The following KIF3C variants were observed in gnomAD, a reference collection of about 807,000 sequenced individuals.
KIF3C encodes the protein kinesin family member 3C, also known as kinesin-like protein KIF3C.
KIF3C carries 12 observed loss-of-function variants against 67.7 expected under a neutral mutation model. That is an observed-to-expected ratio of 0.18 (90% CI 0.11 to 0.29). The LOEUF (loss-of-function observed/expected upper bound fraction) is 0.29, where lower values mean the gene tolerates loss of function less well. Among genes scored for constraint, KIF3C ranks in the 10% least tolerant of loss-of-function variants. The pLI is 1.00. For synonymous variants in KIF3C, 393 were observed against 426.2 expected (o/e 0.92, Z 0.96); for missense variants, 789 against 1,059.6 (o/e 0.74, Z 3.55).
intron 5 of KIF3C, among the ~76,000 whole-genome samples, chr2:25,937,604 G>A (rs773464883): frequency 1.6e-4 from 24 of 152,184 alleles, no homozygotes; most frequent in Admixed American, 3.3e-4. Context: ...TATTTACAAC[G>A]TGCTTCTACA....
intron 5 of KIF3C, among the ~76,000 whole-genome samples, chr2:25,936,094 AAAAAC>A (rs1168481180): frequency 4.2e-4 from 64 of 150,924 alleles, no homozygotes; most frequent in Non-Finnish European, 7.5e-4. Flanking sequence ...CTCAAAAAAA[AAAAAC>A]AAAACAAAAC....
rs777902699 is a variant in KIF3C at position 25,953,581 on chromosome 2, C to T, written c.1889+686G>A. Among the ~76,000 whole-genome samples, 14 of 151,834 alleles carry T rather than the reference C, an allele frequency of 9.2e-5. 1 individual carries two copies. In the South Asian group the frequency reaches 2.7e-3, roughly 29 times the overall value. ...TTCTCCGTGTTAGCCAGGATAGTCT[C>T]GATCTCCTGACCTCGTGATCCACCT... On this transcript the variant is annotated intron_variant, in intron 4 of 7. Coordinates refer to ENST00000264712, the MANE Select transcript of KIF3C (RefSeq NM_002254.8).
At chr2:25,933,786 C>G (rs2384298) in intron 5 of KIF3C, among the ~76,000 whole-genome samples, 1 of 151,630 alleles carries the variant, frequency 6.6e-6, no homozygotes, top group Non-Finnish European at 1.5e-5. Context: ...AAAATGAAAC[C>G]CTCATACACT....
At chr2:25,929,236 C>T in intron 7 of KIF3C, 69 bp downstream of exon 7, 1 of 1,547,952 alleles carries the variant, frequency 6.5e-7, no homozygotes, top group Non-Finnish European at 8.9e-7. Context: ...CCCTCTTTAG[C>T]ATCACCCAGC....
At chr2:25,957,941 T>C (rs34579965) in intron 1 of KIF3C, among the ~76,000 whole-genome samples, 18,028 of 152,180 alleles carry the variant, frequency 0.12, 1,352 homozygotes, top group African/African-American at 0.2. Flanking sequence ...CTTACCGCAT[T>C]GCCTTGCCAC....
chr2:25,973,190 G>A (rs1460451887), intron 1 of KIF3C, among the ~76,000 whole-genome samples: 1 of 152,034 alleles, frequency 6.6e-6, no homozygotes, highest in African/African-American at 2.4e-5. Context: ...CTGACATTCG[G>A]TCTCTCCTTG....
Position 25,928,894 on chromosome 2 carries a change from C to A in KIF3C, c.*84G>T. ...ACACGCACATGCACGCACACGCACACGCACCAAGCGGCAGATGAGATGAGC... is the reference window on the plus strand; with the variant it reads ...ACACGCACATGCACGCACACGCACAAGCACCAAGCGGCAGATGAGATGAGC... On this transcript the variant is annotated 3_prime_UTR_variant, in exon 8 of 8. Transcript: ENST00000264712. The A allele has an allele frequency of 8.7e-7, 1 of 1,148,236 alleles. No individual in the cohort carries two copies. The highest frequency in any genetic ancestry group is 1.3e-6 in the Non-Finnish European group (1 of 779,228). 71.1% of individuals were successfully genotyped at this position (1,148,236 alleles called of 1,614,324 possible).
intron 1 of KIF3C, among the ~76,000 whole-genome samples, chr2:25,966,985 T>C (rs1327184229): frequency 4.6e-5 from 7 of 152,216 alleles, no homozygotes; most frequent in Admixed American, 6.5e-5. Context: ...CAGAGTGATA[T>C]TTGACCACCA....
chr2:25,930,205 C>A, intron 5 of KIF3C, 142 bp from the exon 6 acceptor site: 1 of 654,146 alleles, frequency 1.5e-6, no homozygotes. Flanking sequence ...TGCTCTAATA[C>A]AGCTTGACAA....
chr2:25,968,727 C>T (rs1014538265), intron 1 of KIF3C, among the ~76,000 whole-genome samples: 5 of 152,176 alleles, frequency 3.3e-5, no homozygotes, highest in African/African-American at 1.2e-4. Context: ...GGTCATTCCT[C>T]TCTGTCCTTC....
At position 25,981,978 on chromosome 2, in the gene KIF3C, TG is replaced by T; in HGVS notation, c.-62del. 1 of 1,375,380 alleles carries T rather than the reference TG, an allele frequency of 7.3e-7. No homozygotes were observed. Among genetic ancestry groups the T allele is most frequent in the Non-Finnish European group, 9.7e-7 (1 of 1,027,116 alleles). The allele number at this position is 1,375,380 out of a possible 1,614,324, so 85.2% of individuals were successfully genotyped here. A position where few individuals can be genotyped will look rare whatever the true frequency, so the allele number is the denominator to read the frequency against. ...CGCAGCCTGGGCGGTCCTGCTATCC[TG>T]CTCGCTAGGTCGGGATCAGCGGGGC... is the stretch of plus-strand genomic sequence containing the variant. On this transcript the variant is annotated 5_prime_UTR_variant, in exon 1 of 8. Coordinates refer to ENST00000264712, the MANE Select transcript of KIF3C (RefSeq NM_002254.8). The surrounding 1 kb of genome is among the most constrained non-coding windows in gnomAD (Gnocchi z 8.2).
intron 5 of KIF3C, among the ~76,000 whole-genome samples, chr2:25,936,355 GC>G (rs1397506500): frequency 6.6e-6 from 1 of 152,138 alleles, no homozygotes; most frequent in Non-Finnish European, 1.5e-5. Context: ...TTAAGGAAAT[GC>G]GTGTGTGTGT....
chr2:25,963,663 A>ATT (rs1553716087), intron 1 of KIF3C, among the ~76,000 whole-genome samples: 7 of 129,698 alleles, frequency 5.4e-5, no homozygotes, highest in African/African-American at 2.1e-4. Context: ...CATAGGCATG[A>ATT]AGTATTATTA....
intron 1 of KIF3C, among the ~76,000 whole-genome samples, chr2:25,956,807 G>C (rs1012190132): frequency 6.6e-6 from 1 of 152,198 alleles, no homozygotes. Flanking sequence ...TGAGGATTGG[G>C]AAAGATAAGA....
chr2:25,932,154 A>G (rs2090465898), intron 5 of KIF3C, among the ~76,000 whole-genome samples: 1 of 151,628 alleles, frequency 6.6e-6, no homozygotes, highest in African/African-American at 2.4e-5. Context: ...GGCGCATGCC[A>G]CCACATCCAG....
intron 5 of KIF3C, 47 bp downstream of exon 5, chr2:25,951,742 G>T: frequency 7.5e-7 from 1 of 1,326,442 alleles, no homozygotes; most frequent in Non-Finnish European, 1.1e-6. Context: ...CCGACCTGGA[G>T]TGGACCCACA....
intron 1 of KIF3C, among the ~76,000 whole-genome samples, chr2:25,963,549 G>A (rs1424692871): frequency 1.3e-5 from 2 of 151,390 alleles, no homozygotes; most frequent in Admixed American, 1.3e-4. Context: ...AGAGGACAAA[G>A]GGTTATAAAC....
At chr2:25,949,765 T>C (rs1663547023) in intron 5 of KIF3C, among the ~76,000 whole-genome samples, 1 of 151,206 alleles carries the variant, frequency 6.6e-6, no homozygotes, top group South Asian at 2.1e-4. Context: ...AGCTCAGGAG[T>C]TCAAGACCAG....
At chr2:25,978,155 G>A (rs1419958981) in intron 1 of KIF3C, among the ~76,000 whole-genome samples, 1 of 152,164 alleles carries the variant, frequency 6.6e-6, no homozygotes, top group African/African-American at 2.4e-5. Flanking sequence ...GCCTTGGAAA[G>A]AGCACAGGGC....
Sources: allele counts gnomAD v4.1 joint callset (sites outside exome capture counted in the v4.1 genomes callset), GRCh38; gene constraint gnomAD v4.1.1; non-coding constraint Gnocchi (gnomAD v3.1); transcripts MANE v1.5; gene names NCBI Gene and HGNC (gene_info 2026-07-23, HGNC 2026-07-21).